The following DNAH1 variants were observed in gnomAD, a reference collection of about 807,000 sequenced individuals.
DNAH1 encodes dynein axonemal heavy chain 1.
A neutral mutation model predicts 484.3 loss-of-function variants in DNAH1; 327 were observed. That is an observed-to-expected ratio of 0.68 (90% confidence interval 0.62 to 0.74). The LOEUF is 0.74. DNAH1 is among the 30% of genes least tolerant of loss of function. The pLI is 0.00. For missense variants in DNAH1, 5,052 were observed against 5,546.8 expected, an observed-to-expected ratio of 0.91 and a Z score of 2.83; for synonymous variants, 2,192 against 2,191.9, an observed-to-expected ratio of 1.00 and a Z score of 0.00.
At position 52,346,465 on chromosome 3, in the gene DNAH1, A is replaced by G. The variant is rs2153223781; in HGVS notation, c.1657-7A>G. 1.2e-6 allele frequency: 2 copies of G among 1,603,344 alleles called. No individual in the cohort carries two copies. Among genetic ancestry groups the G allele is most frequent in the South Asian group, 2.2e-5 (2 of 89,670 alleles). On this transcript the variant is annotated splice_region_variant and splice_polypyrimidine_tract_variant and intron_variant, in intron 10 of 77. Transcript: ENST00000420323. ...TGGCCATATGATGATGCCTGTGGCC[A>G]CTCTAGGTGCAGATGTTCCTCAAGG...
In DNAH1 at chr3:52,364,298, G is replaced by A. The variant is rs1702980475; in HGVS notation, c.5245-340G>A. ...GCTCAAGGGCCATCAAGGCCAAGCT[G>A]ATTGTTGCACAGATGGGAAACTCCT... On this transcript the variant is annotated intron_variant, in intron 32 of 77. Transcript: ENST00000420323. The surrounding 1 kb of genome is among the most constrained non-coding windows in gnomAD (Gnocchi z 4.2). 6.6e-6 allele frequency among the ~76,000 whole-genome samples: 1 copy of A among 152,264 alleles called. No individual in the cohort carries two copies. The highest frequency in any genetic ancestry group is 1.5e-5 in the Non-Finnish European group (1 of 68,044).
intron 1 of DNAH1, among the ~76,000 whole-genome samples, chr3:52,320,831 C>T (rs114567323): frequency 0.033 from 4,607 of 139,202 alleles, 115 homozygotes; most frequent in Middle Eastern, 0.05. Flanking sequence ...GACGGAATCT[C>T]GCTCTGTCGC....
chr3:52,399,960 C>A (rs567552884), intron 77 of DNAH1, among the ~76,000 whole-genome samples, 181 bp downstream of exon 77: 1 of 152,228 alleles, frequency 6.6e-6, no homozygotes, highest in South Asian at 2.1e-4. Flanking sequence ...TGGGGAGCAC[C>A]CCTGAACTCC....
chr3:52,342,688 G>C (rs567885864), intron 8 of DNAH1, among the ~76,000 whole-genome samples: 9 of 152,304 alleles, frequency 5.9e-5, no homozygotes, highest in African/African-American at 1.9e-4. Flanking sequence ...CCCCTCCGTA[G>C]GGCTTTGGTC....
chr3:52,368,697 C>A lies in DNAH1; in HGVS notation c.5766-44C>A, dbSNP rs1466424676. On this transcript the variant is annotated intron_variant, in intron 36 of 77. Transcript: ENST00000420323. The surrounding 1 kb of genome is among the most constrained non-coding windows in gnomAD (Gnocchi z 4.4). ...CTGGGAGCCAGCTGTGCTCGAAGCACCGCCTCCCTGATGTTTCCAGCCCTC... is the reference window on the plus strand; with the variant it reads ...CTGGGAGCCAGCTGTGCTCGAAGCAACGCCTCCCTGATGTTTCCAGCCCTC... 1 of 1,585,366 alleles carries A rather than the reference C, an allele frequency of 6.3e-7. No homozygotes were observed. Among genetic ancestry groups the A allele is most frequent in the Admixed American group, 1.7e-5 (1 of 59,284 alleles).
In DNAH1 at chr3:52,361,205, G is replaced by A. The variant is rs755552010; in HGVS notation, c.4727G>A (p.Gly1576Glu). The change falls in exon 29 of 78, where the codon GGG becomes GAG. Residue 1576 changes from glycine (G) to glutamate (E), a missense_variant. Coordinates refer to ENST00000420323, the MANE Select transcript of DNAH1 (RefSeq NM_015512.5). The surrounding 1 kb of genome is among the most constrained non-coding windows in gnomAD (Gnocchi z 5.6). ...TLTGALHLKF[G>E]GAPAGPAGTG... is the part of the protein sequence containing the mutation. ...ACCGGAGCTCTGCACCTCAAGTTTGGGGGTGCCCCAGCTGGCCCAGCTGGC... is the reference window on the plus strand; with the variant it reads ...ACCGGAGCTCTGCACCTCAAGTTTGAGGGTGCCCCAGCTGGCCCAGCTGGC... 1 of 1,612,196 alleles carries A rather than the reference G, an allele frequency of 6.2e-7. No homozygotes were observed. The highest frequency in any genetic ancestry group is 1.7e-5 in the Admixed American group (1 of 59,940).
intron 6 of DNAH1, among the ~76,000 whole-genome samples, chr3:52,329,114 C>T (rs547411364): frequency 5.9e-5 from 9 of 152,312 alleles, no homozygotes; most frequent in African/African-American, 1.9e-4. Context: ...GTTCCCAGAT[C>T]GCCAATTCCT....
chr3:52,399,493 C>T, intron 76 of DNAH1, 52 bp from the exon 77 acceptor site: 1 of 1,498,990 alleles, frequency 6.7e-7, no homozygotes, highest in Non-Finnish European at 9.1e-7. Flanking sequence ...GCCTCCTAAC[C>T]CAGATTCTGG....
At position 52,361,268 on chromosome 3, in the gene DNAH1, C is replaced by A; in HGVS notation, c.4790C>A (p.Ala1597Asp). ...GAGACCACCAAAGACCTGGGTAAGG[C>A]CTTGGCCATACAGACCGTTGTGTTC... ...KTETTKDLGK[A>D]LAIQTVVFNC... Residue 1597 changes from alanine to aspartate, a missense_variant, in exon 29 of 78, where the codon GCC becomes GAC. Physicochemically the swap from Ala to Asp is moderately radical, Grantham distance 126. Coordinates refer to ENST00000420323, the MANE Select transcript of DNAH1 (RefSeq NM_015512.5). The surrounding 1 kb of genome is among the most constrained non-coding windows in gnomAD (Gnocchi z 5.6). The A allele has an allele frequency of 6.2e-7, 1 of 1,612,682 alleles. No homozygotes were observed. The highest frequency in any genetic ancestry group is 8.5e-7 in the Non-Finnish European group (1 of 1,179,492).
In DNAH1 at chr3:52,388,556, G is replaced by A. The variant is rs748314192; in HGVS notation, c.9310G>A (p.Glu3104Lys). The change falls in exon 58 of 78, where the codon GAG (glutamate) becomes AAG (lysine). Residue 3104 changes from glutamate (E) to lysine (K), a missense_variant. Glu to Lys is a moderately conservative substitution (Grantham distance 56, BLOSUM62 1). Coordinates refer to ENST00000420323, the MANE Select transcript of DNAH1 (RefSeq NM_015512.5). ...KYRECITKKE[E>K]LELKCEQCEQ... Reference sequence around the variant, plus strand: ...CCGGGAATGCATTACCAAGAAGGAGGAGCTGGAGCTGAAGTGTGAGCAGTG... The same window carrying A: ...CCGGGAATGCATTACCAAGAAGGAGAAGCTGGAGCTGAAGTGTGAGCAGTG... The A allele has an allele frequency of 3.7e-6, 6 of 1,612,974 alleles. No homozygotes were observed. The highest frequency in any genetic ancestry group is 5.1e-6 in the Non-Finnish European group (6 of 1,179,590).
rs566763958 is a variant in DNAH1, at chr3:52,333,170, G to C, written c.1286+776G>C. 9.2e-5 allele frequency among the ~76,000 whole-genome samples: 14 copies of C among 152,294 alleles called. No individual in the cohort carries two copies. In the South Asian group the frequency reaches 2.3e-3, roughly 25 times the overall value. On this transcript the variant is annotated intron_variant, in intron 8 of 77. Transcript: ENST00000420323. ...CAAAGTGCTGGGATTATAGGCATGA[G>C]CCATCATGCCCGGCTGGAAGTTCCT...
At chr3:52,347,071 G>C (rs1702172977) in intron 11 of DNAH1, among the ~76,000 whole-genome samples, 1 of 152,228 alleles carries the variant, frequency 6.6e-6, no homozygotes, top group African/African-American at 2.4e-5. Context: ...TGGTCTCATG[G>C]GAAAGACAGG....
chr3:52,379,181 A>G lies in DNAH1; in HGVS notation c.7377+401A>G, dbSNP rs1242690982. ...GCAGGGGTGGGTCCAGGCACTAGGC[A>G]CGGTGGGGGGCCAACATGGAGCTTA... On this transcript the variant is annotated intron_variant, in intron 47 of 77. Coordinates refer to ENST00000420323, the MANE Select transcript of DNAH1 (RefSeq NM_015512.5). The surrounding 1 kb of genome is among the most constrained non-coding windows in gnomAD (Gnocchi z 4.4). Among the ~76,000 whole-genome samples the G allele has an allele frequency of 2.0e-5, 3 of 152,092 alleles. No individual in the cohort carries two copies. Among genetic ancestry groups the G allele is most frequent in the Admixed American group, 2.0e-4 (3 of 15,278 alleles).
Position 52,372,747 on chromosome 3 carries a change from G to T in DNAH1, c.6828-149G>T, listed in dbSNP as rs188972103. On this transcript the variant is annotated intron_variant, in intron 43 of 77. Transcript: ENST00000420323. The stretch of plus-strand genomic sequence containing the variant: ...GCTGTCCCAGGACACTCAGAACAAG[G>T]ATGAGGGTGGGTCAAGGCATCTAGC... 1,047 of 1,061,030 alleles carry T rather than the reference G, an allele frequency of 9.9e-4. 1 individual carries two copies. The highest frequency in any genetic ancestry group is 1.3e-3 in the Non-Finnish European group (966 of 751,118). The allele number at this position is 1,061,030 out of a possible 1,614,324, so 65.7% of individuals were successfully genotyped here. A position where few individuals can be genotyped will look rare whatever the true frequency, so the allele number is the denominator to read the frequency against.
At chr3:52,374,419 T>C (rs1013720968) in intron 44 of DNAH1, 14 of 1,314,620 alleles carry the variant, frequency 1.1e-5, no homozygotes, top group Non-Finnish European at 1.5e-5. Context: ...CCAGTGGTGA[T>C]GACACTTCTC....
intron 1 of DNAH1, among the ~76,000 whole-genome samples, chr3:52,318,529 A>G (rs1227941275): frequency 6.6e-6 from 1 of 152,170 alleles, no homozygotes; most frequent in Admixed American, 6.5e-5. Flanking sequence ...CCATTAGTTC[A>G]TTTGTTCACA....
chr3:52,382,902 G>T (rs1378167129), intron 50 of DNAH1, among the ~76,000 whole-genome samples: 1 of 152,210 alleles, frequency 6.6e-6, no homozygotes, highest in Non-Finnish European at 1.5e-5. Flanking sequence ...GGGCCCAGGG[G>T]CCCAGCCTGA....
chr3:52,352,446 G>C lies in DNAH1; in HGVS notation c.2872-106G>C, dbSNP rs1397924472. On this transcript the variant is annotated intron_variant, in intron 17 of 77. Transcript: ENST00000420323. ...CAGGAGAACAACCTCCTTAGAACTC[G>C]GAGGAGTGGACGTCCTGGGACCTCT... The C allele has an allele frequency of 3.5e-6, 5 of 1,447,556 alleles. No homozygotes were observed. The South Asian group carries it at 4.0e-5, about 12-fold the overall frequency. 89.7% of individuals were successfully genotyped at this position (1,447,556 alleles called of 1,614,324 possible). A position where few individuals can be genotyped will look rare whatever the true frequency, so the allele number is the denominator to read the frequency against.
intron 42 of DNAH1, 46 bp downstream of exon 42, chr3:52,372,132 A>T (rs776021969): frequency 6.2e-7 from 1 of 1,610,530 alleles, no homozygotes; most frequent in Admixed American, 1.7e-5. Context: ...CAAGGCCTAT[A>T]TTGGGGGTTG....
Sources: gnomAD v4.1 joint callset for allele counts (sites outside exome capture counted in the v4.1 genomes callset) on GRCh38, gnomAD v4.1.1 for gene constraint, Gnocchi (gnomAD v3.1) non-coding constraint, MANE v1.5 for transcripts, NCBI Gene and HGNC (gene_info 2026-07-23, HGNC 2026-07-21) for gene names.